The following CYLD variants were observed in gnomAD, a reference collection of about 807,000 sequenced individuals.
CYLD encodes CYLD lysine 63 deubiquitinase, also known as ubiquitin carboxyl-terminal hydrolase CYLD.
A neutral mutation model predicts 104.5 loss-of-function variants in CYLD; 26 were observed. The ratio of observed to expected loss-of-function variants is 0.25; its 90% CI spans 0.18 to 0.35. CYLD has a LOEUF of 0.35. Ranked by LOEUF, CYLD falls within the 10% of genes least tolerant of loss-of-function variation. The probability of loss-of-function intolerance (pLI) is 1.00; values close to 1 mark genes in which losing one functional copy is unlikely to be tolerated. For synonymous variants in CYLD, 385 were observed against 399.9 expected, an observed-to-expected ratio of 0.96 and a Z score of 0.45; for missense variants, 703 against 1,136.1, an observed-to-expected ratio of 0.62 and a Z score of 5.48.
chr16:50,745,575 G>C (rs886153200), intron 2 of CYLD, among the ~76,000 whole-genome samples: 1 of 151,032 alleles, frequency 6.6e-6, no homozygotes, highest in African/African-American at 2.4e-5. Flanking sequence ...CTTCCTTTTG[G>C]GACAGGCTCT....
At chr16:50,749,488 T>C in intron 2 of CYLD, 88 bp from the exon 3 acceptor site, 1 of 591,746 alleles carries the variant, frequency 1.7e-6, no homozygotes, top group Non-Finnish European at 3.0e-6. Flanking sequence ...TTAAAAGTCT[T>C]CAGTCTTAAT....
chr16:50,757,423 A>C (rs1967377713), intron 5 of CYLD, among the ~76,000 whole-genome samples: 1 of 152,216 alleles, frequency 6.6e-6, no homozygotes, highest in Admixed American at 6.5e-5. Context: ...AATTTATTGC[A>C]AATTGAATTC....
chr16:50,786,111 T>A (rs372802341), intron 12 of CYLD: 3 of 152,240 alleles, frequency 2.0e-5, no homozygotes, highest in Non-Finnish European at 4.4e-5. Context: ...ATTATGCCAA[T>A]TGGTTTGATT....
intron 12 of CYLD, chr16:50,784,872 T>C (rs966688731): frequency 2.0e-5 from 4 of 200,576 alleles, no homozygotes; most frequent in Non-Finnish European, 3.1e-5. Context: ...GGGAAATTCT[T>C]TATAGAATAG....
intron 5 of CYLD, among the ~76,000 whole-genome samples, chr16:50,766,254 C>G (rs1406135553): frequency 1.3e-5 from 2 of 152,210 alleles, no homozygotes; most frequent in African/African-American, 4.8e-5. Context: ...TAAATCTACT[C>G]TGCCTGTGCT....
Position 50,798,871 on chromosome 16 carries a change from C to T in CYLD, c.*2363C>T, listed in dbSNP as rs1567465220. On this transcript the variant is annotated 3_prime_UTR_variant, in exon 19 of 19. Coordinates refer to ENST00000427738, the MANE Select transcript of CYLD (RefSeq NM_001378743.1). Reference sequence around the variant, plus strand: ...TAATGTTACTTGGGGAGGGAGTGCTCATTAAGGGATGCCAGGGCCAGCTCT... The same window carrying T: ...TAATGTTACTTGGGGAGGGAGTGCTTATTAAGGGATGCCAGGGCCAGCTCT... 1.3e-5 allele frequency: 3 copies of T among 233,236 alleles called. No homozygotes were observed. Among genetic ancestry groups the T allele is most frequent in the East Asian group, 6.0e-5 (1 of 16,722 alleles). 14.4% of individuals were successfully genotyped at this position (233,236 alleles called of 1,614,324 possible).
intron 14 of CYLD, among the ~76,000 whole-genome samples, chr16:50,789,872 C>G (rs541615942): frequency 3.3e-5 from 5 of 152,076 alleles, no homozygotes; most frequent in Non-Finnish European, 7.4e-5. Flanking sequence ...GACAGAATCT[C>G]CAGAAATAGA....
rs945513049 is a variant in CYLD, at chr16:50,789,432, C to G, written c.2108+1580C>G. Among the ~76,000 whole-genome samples, 5 of 152,050 alleles carry G rather than the reference C, an allele frequency of 3.3e-5. No individual in the cohort carries two copies. In the East Asian group the frequency reaches 9.6e-4, roughly 29 times the overall value. On this transcript the variant is annotated intron_variant, in intron 14 of 18. Transcript: ENST00000427738. ...GAATGTAATACACGCCCAGTAATAA[C>G]ATAGGTTGAATACTGAGTGATCCTC...
chr16:50,798,585 G>A lies in CYLD; in HGVS notation c.*2077G>A, dbSNP rs1307011654. The A allele has an allele frequency of 7.4e-5, 17 of 228,680 alleles. No individual in the cohort carries two copies. Among genetic ancestry groups the A allele is most frequent in the African/African-American group, 2.3e-5 (1 of 44,120 alleles). The allele number at this position is 228,680 out of a possible 1,614,324, so 14.2% of individuals were successfully genotyped here. A position where few individuals can be genotyped will look rare whatever the true frequency, so the allele number is the denominator to read the frequency against. On this transcript the variant is annotated 3_prime_UTR_variant, in exon 19 of 19. Transcript: ENST00000427738. ...ACCCCTGCAGATACTAAGGGCTGACGATCTAGGTAAGACTGGATTTAACAG... is the reference window on the plus strand; with the variant it reads ...ACCCCTGCAGATACTAAGGGCTGACAATCTAGGTAAGACTGGATTTAACAG...
intron 5 of CYLD, among the ~76,000 whole-genome samples, chr16:50,764,967 T>C (rs893657781): frequency 2.6e-5 from 4 of 152,232 alleles, no homozygotes; most frequent in African/African-American, 9.6e-5. Flanking sequence ...GGGGAATCAC[T>C]TGAAAAACAA....
intron 2 of CYLD, among the ~76,000 whole-genome samples, chr16:50,746,320 G>C (rs375399494): frequency 2.0e-5 from 3 of 152,232 alleles, no homozygotes; most frequent in Admixed American, 6.5e-5. Context: ...TTACAGGCGT[G>C]AGTCACTGTG....
At position 50,784,324 on chromosome 16, in the gene CYLD, T is replaced by G; in HGVS notation, c.1827-5T>G. The G allele has an allele frequency of 2.5e-6, 4 of 1,613,228 alleles. No individual in the cohort carries two copies. Among genetic ancestry groups the G allele is most frequent in the Non-Finnish European group, 3.4e-6 (4 of 1,179,506 alleles). ...ATGAAGAAAATTATCCTTTTTCTTT[T>G]GCAGCTTATTTGCTTTTAGTTCTGT... is the stretch of plus-strand genomic sequence containing the variant. On this transcript the variant is annotated splice_region_variant and splice_polypyrimidine_tract_variant and intron_variant, in intron 11 of 18. Transcript: ENST00000427738.
intron 3 of CYLD, among the ~76,000 whole-genome samples, chr16:50,750,845 AT>A (rs1005401829): frequency 6.6e-5 from 10 of 152,184 alleles, no homozygotes; most frequent in African/African-American, 2.2e-4. Context: ...TAGATATAAG[AT>A]TTTTGAAAAA....
intron 2 of CYLD, among the ~76,000 whole-genome samples, chr16:50,743,741 TGAG>T (rs1227450028): frequency 4.6e-5 from 7 of 152,358 alleles, no homozygotes; most frequent in African/African-American, 1.7e-4. Context: ...ACATGCTAGT[TGAG>T]GCTGTAGGAA....
At chr16:50,766,495 T>C (rs1052823042) in intron 5 of CYLD, among the ~76,000 whole-genome samples, 1 of 152,222 alleles carries the variant, frequency 6.6e-6, no homozygotes, top group East Asian at 1.9e-4. Flanking sequence ...AGCATATGGA[T>C]CAAGGAGTAA....
rs1412212841 is a variant in CYLD at position 50,800,465 on chromosome 16, T to C, written c.*3957T>C. 3 of 233,188 alleles carry C rather than the reference T, an allele frequency of 1.3e-5. No homozygotes were observed. The highest frequency in any genetic ancestry group is 2.5e-5 in the Non-Finnish European group (3 of 117,990). 14.4% of individuals were successfully genotyped at this position (233,188 alleles called of 1,614,324 possible). On this transcript the variant is annotated 3_prime_UTR_variant, in exon 19 of 19. Coordinates refer to ENST00000427738, the MANE Select transcript of CYLD (RefSeq NM_001378743.1). ...ATACTAATTTGTGTAAGAAATGCAT[T>C]TTAGTCTGTGTACCTCAACCTGCTG...
chr16:50,756,621 T>G (rs1425796000), intron 5 of CYLD, among the ~76,000 whole-genome samples: 1 of 152,174 alleles, frequency 6.6e-6, no homozygotes, highest in African/African-American at 2.4e-5. Flanking sequence ...TACAGGCTAG[T>G]GCAATAAAGC....
chr16:50,764,119 T>C (rs937235213), intron 5 of CYLD, among the ~76,000 whole-genome samples: 2 of 152,210 alleles, frequency 1.3e-5, no homozygotes, highest in African/African-American at 4.8e-5. Flanking sequence ...GCATCCTGTT[T>C]TTAAAATCTC....
intron 9 of CYLD, among the ~76,000 whole-genome samples, 166 bp downstream of exon 9, chr16:50,780,210 G>A (rs1383604963): frequency 6.6e-6 from 1 of 152,150 alleles, no homozygotes; most frequent in Non-Finnish European, 1.5e-5. Context: ...CGCCCCTGAA[G>A]CTTGCGACCC....
Sources: gnomAD v4.1 joint callset for allele counts (sites outside exome capture counted in the v4.1 genomes callset) on GRCh38, gnomAD v4.1.1 for gene constraint, MANE v1.5 for transcripts, NCBI Gene and HGNC (gene_info 2026-07-23, HGNC 2026-07-21) for gene names.